LZTFL1: variants seen among roughly 807,000 people sequenced by gnomAD.
LZTFL1 encodes the protein leucine zipper transcription factor like 1, also known as leucine zipper transcription factor-like protein 1.
LZTFL1 carries 25 observed loss-of-function variants against 45.9 expected under a neutral mutation model. The observed-to-expected ratio is 0.54, with a 90% CI of 0.40 to 0.76. The LOEUF is 0.76. Ranked by LOEUF, LZTFL1 falls within the 30% of genes least tolerant of loss-of-function variation. LZTFL1 has a pLI of 0.00. For synonymous variants in LZTFL1, 93 were observed against 117.4 expected (o/e 0.79, Z 1.35); for missense variants, 277 against 331.1 (o/e 0.84, Z 1.27).
At chr3:45,864,096 C>T (rs1701539661) in intron 2 of LZTFL1, among the ~76,000 whole-genome samples, 1 of 152,066 alleles carries the variant, frequency 6.6e-6, no homozygotes, top group African/African-American at 2.4e-5. Flanking sequence ...ATGTTCAAGT[C>T]CCCTGTGGAA....
chr3:45,874,561 T>C (rs1701718659), intron 2 of LZTFL1, among the ~76,000 whole-genome samples: 1 of 152,198 alleles, frequency 6.6e-6, no homozygotes, highest in African/African-American at 2.4e-5. Context: ...GAAGTAGCTC[T>C]ATTCCCTTCC....
At chr3:45,841,587 C>T in intron 1 of LZTFL1, 1 of 210,478 alleles carries the variant, frequency 4.8e-6, no homozygotes, top group Non-Finnish European at 9.6e-6. Context: ...GAGAACCCTG[C>T]GTATGTGTTA....
Position 45,839,098 on chromosome 3 carries a change from T to TCTG in LZTFL1, c.4-1048_4-1047insCAG, listed in dbSNP as rs59576594. ...AAAACAAAGCATAAATACAGATTCT[T>TCTG]TTTTTTTAGAGACGGAGTCTCGCTC... On this transcript the variant is annotated intron_variant, in intron 1 of 9. Coordinates refer to ENST00000296135, the MANE Select transcript of LZTFL1 (RefSeq NM_020347.4). 3.5e-5 allele frequency among the ~76,000 whole-genome samples: 5 copies of TCTG among 143,646 alleles called. No individual in the cohort carries two copies. The South Asian group carries it at 1.2e-3, about 33-fold the overall frequency. 94.2% of individuals were successfully genotyped at this position (143,646 alleles called of 152,430 possible).
At chr3:45,859,475 C>A (rs547121216) in intron 2 of LZTFL1, among the ~76,000 whole-genome samples, 2 of 152,340 alleles carry the variant, frequency 1.3e-5, no homozygotes, top group East Asian at 3.9e-4. Context: ...GATCCTCCCA[C>A]CTTGGCCTCC....
upstream of LZTFL1, among the ~76,000 whole-genome samples, chr3:45,845,486 T>C (rs9830944): frequency 0.075 from 11,469 of 152,202 alleles, 522 homozygotes; most frequent in Non-Finnish European, 0.088. Flanking sequence ...GTGTGATGAT[T>C]GTGAAATTGA....
intron 2 of LZTFL1, chr3:45,897,480 C>A: frequency 1.2e-6 from 1 of 844,838 alleles, no homozygotes; most frequent in Non-Finnish European, 1.9e-6. Flanking sequence ...GTTAGCTGTG[C>A]CTGCTCACCG....
chr3:45,908,028 G>A (rs1702714643), intron 2 of LZTFL1, among the ~76,000 whole-genome samples: 1 of 152,216 alleles, frequency 6.6e-6, no homozygotes, highest in Non-Finnish European at 1.5e-5. Flanking sequence ...AGTCAGCTGG[G>A]TGGATTAAGG....
chr3:45,854,958 AAT>A, intron 4 of LZTFL1: 1 of 1,461,928 alleles, frequency 6.8e-7, no homozygotes, highest in Non-Finnish European at 9.2e-7. Context: ...ACATAATTAT[AAT>A]ATGTCAGATG....
chr3:45,857,941 A>C (rs1701419859), intron 3 of LZTFL1, among the ~76,000 whole-genome samples: 2 of 152,186 alleles, frequency 1.3e-5, no homozygotes, highest in African/African-American at 4.8e-5. Context: ...CTATGTAAGG[A>C]AAAAAAGGGT....
At chr3:45,869,983 C>T (rs1195273897) in intron 2 of LZTFL1, among the ~76,000 whole-genome samples, 1 of 152,240 alleles carries the variant, frequency 6.6e-6, no homozygotes, top group Non-Finnish European at 1.5e-5. Context: ...TTGCATTTTC[C>T]TCCAACTCTC....
chr3:45,828,955 T>C (rs924579001), intron 7 of LZTFL1, among the ~76,000 whole-genome samples: 1 of 152,118 alleles, frequency 6.6e-6, no homozygotes. Context: ...AAAAGCCAAA[T>C]TTAAAAAAAT....
rs183438814 is a variant in LZTFL1, at chr3:45,915,067, G to A, written c.-273+354C>T. On this transcript the variant is annotated intron_variant, in intron 1 of 4. Coordinates refer to the LZTFL1 transcript ENST00000472635. Reference sequence around the variant, plus strand: ...CACCTCTGAGGCAGAGGAACAAACCGGCTTGTCTTTCCACATCAGCAGTCA... The same window carrying A: ...CACCTCTGAGGCAGAGGAACAAACCAGCTTGTCTTTCCACATCAGCAGTCA... Among the ~76,000 whole-genome samples, 24 of 152,282 alleles carry A rather than the reference G, an allele frequency of 1.6e-4. No individual in the cohort carries two copies. In the East Asian group the frequency reaches 2.7e-3, roughly 17 times the overall value.
chr3:45,902,040 C>CATAT, intron 2 of LZTFL1: 1 of 737,926 alleles, frequency 1.4e-6, no homozygotes, highest in Non-Finnish European at 2.2e-6. Context: ...TACTTGTAGT[C>CATAT]AGAATTTGCC....
chr3:45,897,700 C>G, intron 2 of LZTFL1: 7 of 1,162,766 alleles, frequency 6.0e-6, no homozygotes, highest in Non-Finnish European at 8.4e-6. Context: ...CCCCAGGAAC[C>G]AAAGTCGTCC....
upstream of LZTFL1, among the ~76,000 whole-genome samples, chr3:45,845,612 C>T (rs1701206270): frequency 6.6e-6 from 1 of 152,134 alleles, no homozygotes; most frequent in African/African-American, 2.4e-5. Flanking sequence ...ATACTGACAG[C>T]TTATACAAGG....
At chr3:45,878,911 A>T (rs1049998835) in intron 2 of LZTFL1, among the ~76,000 whole-genome samples, 8 of 152,252 alleles carry the variant, frequency 5.3e-5, no homozygotes, top group Non-Finnish European at 1.2e-4. Flanking sequence ...GCAGATGGGA[A>T]ATAAGCGTAT....
At chr3:45,857,367 G>A (rs1057340120) in intron 3 of LZTFL1, among the ~76,000 whole-genome samples, 1 of 152,134 alleles carries the variant, frequency 6.6e-6, no homozygotes, top group Non-Finnish European at 1.5e-5. Flanking sequence ...GGGGCCTGTC[G>A]GTGGTGATTG....
intron 2 of LZTFL1, among the ~76,000 whole-genome samples, chr3:45,881,196 A>G (rs1271666722): frequency 6.6e-6 from 1 of 152,204 alleles, no homozygotes; most frequent in Non-Finnish European, 1.5e-5. Context: ...CAGCCACACC[A>G]CTGAACTCTT....
intron 2 of LZTFL1, among the ~76,000 whole-genome samples, chr3:45,911,739 T>C (rs1317766122): frequency 6.6e-6 from 1 of 152,268 alleles, no homozygotes; most frequent in African/African-American, 2.4e-5. Context: ...CTTTATGCCG[T>C]TCAGCTTTGC....
Sources: gnomAD v4.1 joint callset for allele counts (sites outside exome capture counted in the v4.1 genomes callset) on GRCh38, gnomAD v4.1.1 for gene constraint, MANE v1.5 for transcripts, NCBI Gene and HGNC (gene_info 2026-07-23, HGNC 2026-07-21) for gene names.